FYB1: variants seen among roughly 807,000 people sequenced by gnomAD.
FYB1 encodes the protein FYN binding protein 1, also known as FYN-binding protein 1.
A neutral mutation model predicts 94.1 loss-of-function variants in FYB1; 41 were observed. The ratio of observed to expected loss-of-function variants is 0.44; its 90% CI spans 0.34 to 0.57. The LOEUF is 0.57. Among genes scored for constraint, FYB1 ranks in the 20% least tolerant of loss-of-function variants. FYB1 has a pLI of 0.02. For synonymous variants in FYB1, 367 were observed against 353.2 expected (o/e 1.04, Z -0.44); for missense variants, 1,050 against 976.8 (o/e 1.07, Z -1.00).
chr5:39,200,958 C>T (rs910298489), intron 2 of FYB1, among the ~76,000 whole-genome samples: 34 of 152,230 alleles, frequency 2.2e-4, no homozygotes, highest in African/African-American at 7.5e-4. Flanking sequence ...TCACTCAGTA[C>T]CACATCCAAG....
At chr5:39,148,996 T>A (rs186020261) in intron 3 of FYB1, among the ~76,000 whole-genome samples, 182 of 152,328 alleles carry the variant, frequency 1.2e-3, no homozygotes, top group Non-Finnish European at 1.3e-3. Flanking sequence ...AGGTGTTGAT[T>A]TGAACATTAA....
At position 39,173,173 on chromosome 5, in the gene FYB1, G is replaced by C. The variant is rs146567485; in HGVS notation, c.1136-19569C>G. Among the ~76,000 whole-genome samples the C allele has an allele frequency of 1.2e-3, 181 of 152,106 alleles. 2 individuals are homozygous for C. The highest frequency in any genetic ancestry group is 4.2e-3 in the African/African-American group (176 of 41,492). On this transcript the variant is annotated intron_variant, in intron 2 of 18. Coordinates refer to ENST00000512982, the MANE Select transcript of FYB1 (RefSeq NM_001465.6). Reference sequence around the variant, plus strand: ...TTGGTGTGAGATCGTTTCTCATTATGGTTTTGATTTGCATTTCTTTGATGA... The same window carrying C: ...TTGGTGTGAGATCGTTTCTCATTATCGTTTTGATTTGCATTTCTTTGATGA...
chr5:39,218,219 G>T (rs1239845042), intron 1 of FYB1, among the ~76,000 whole-genome samples: 1 of 152,142 alleles, frequency 6.6e-6, no homozygotes, highest in Non-Finnish European at 1.5e-5. Context: ...CTTTTCCACG[G>T]GGTGCCTTAA....
intron 9 of FYB1, among the ~76,000 whole-genome samples, chr5:39,132,985 T>G (rs1319797650): frequency 6.6e-6 from 1 of 152,214 alleles, no homozygotes; most frequent in African/African-American, 2.4e-5. Flanking sequence ...GTGCATGCAT[T>G]GTATGTTTTG....
chr5:39,238,462 T>G (rs562257486), intron 1 of FYB1, among the ~76,000 whole-genome samples: 1 of 152,106 alleles, frequency 6.6e-6, no homozygotes, highest in South Asian at 2.1e-4. Context: ...AATATTTAAT[T>G]AAGGTGAGAT....
intron 9 of FYB1, 51 bp from the exon 10 acceptor site, chr5:39,130,663 T>A: frequency 7.2e-7 from 1 of 1,383,614 alleles, no homozygotes; most frequent in Non-Finnish European, 1.0e-6. Context: ...TACTTAGCTA[T>A]GAGGAAGAGA....
chr5:39,261,771 A>AAAAGC (rs1253474390), intron 1 of FYB1, among the ~76,000 whole-genome samples: 1 of 152,044 alleles, frequency 6.6e-6, no homozygotes, highest in African/African-American at 2.4e-5. Context: ...AAAAGAAAAG[A>AAAAGC]AATAATGATG....
chr5:39,169,489 A>G lies in FYB1; in HGVS notation c.1136-15885T>C, dbSNP rs559045743. Reference sequence around the variant, plus strand: ...TTGACAATTTCAGACATATTAATCGAAGACCCGTTACTACTACTTCCAGAG... The same window carrying G: ...TTGACAATTTCAGACATATTAATCGGAGACCCGTTACTACTACTTCCAGAG... On this transcript the variant is annotated intron_variant, in intron 2 of 18. Transcript: ENST00000512982. 2.1e-4 allele frequency: 133 copies of G among 646,484 alleles called. 1 individual carries two copies. The highest frequency in any genetic ancestry group is 1.7e-3 in the South Asian group (124 of 71,320). The allele number at this position is 646,484 out of a possible 1,614,324, so 40.0% of individuals were successfully genotyped here.
At chr5:39,127,862 T>G in intron 10 of FYB1, 55 bp from the exon 11 acceptor site, 1 of 1,502,726 alleles carries the variant, frequency 6.7e-7, no homozygotes, top group Non-Finnish European at 9.0e-7. Flanking sequence ...GGCCATGTAA[T>G]GCTCACTCAG....
chr5:39,170,044 G>A, intron 2 of FYB1: 1 of 807,354 alleles, frequency 1.2e-6, no homozygotes, highest in Non-Finnish European at 2.2e-6. Context: ...AGGATGAGAG[G>A]CCTCCACTGG....
intron 2 of FYB1, among the ~76,000 whole-genome samples, chr5:39,181,772 TGTAA>T (rs1459213265): frequency 6.6e-6 from 1 of 152,170 alleles, no homozygotes; most frequent in Non-Finnish European, 1.5e-5. Flanking sequence ...TATTTTCTAG[TGTAA>T]GTATCTCCAA....
At chr5:39,255,564 T>A (rs1422100063) in intron 1 of FYB1, among the ~76,000 whole-genome samples, 1 of 152,092 alleles carries the variant, frequency 6.6e-6, no homozygotes, top group Non-Finnish European at 1.5e-5. Flanking sequence ...AGGATGTTAT[T>A]CATTTAAATA....
chr5:39,169,673 T>C (rs932864402), intron 2 of FYB1: 1 of 436,116 alleles, frequency 2.3e-6, no homozygotes, highest in Non-Finnish European at 4.5e-6. Flanking sequence ...GGTGAAACTC[T>C]GTCTCTATTG....
intron 2 of FYB1, among the ~76,000 whole-genome samples, chr5:39,173,298 T>A (rs1188250324): frequency 4.6e-5 from 7 of 152,178 alleles, no homozygotes; most frequent in African/African-American, 1.7e-4. Flanking sequence ...TTAATTAGAT[T>A]TTTTGCTTGT....
At chr5:39,185,888 A>G (rs834250) in intron 2 of FYB1, among the ~76,000 whole-genome samples, 148,716 of 152,024 alleles carry the variant, frequency 0.98, 72,809 homozygotes, top group Non-Finnish European at 1. Context: ...TGAAGCAGGG[A>G]CAGCCGGGCA....
chr5:39,249,318 G>A lies in FYB1; in HGVS notation c.-28+25085C>T, dbSNP rs531963575. 1.1e-4 allele frequency among the ~76,000 whole-genome samples: 16 copies of A among 152,290 alleles called. 1 individual carries two copies. In the South Asian group the frequency reaches 3.1e-3, roughly 30 times the overall value. On this transcript the variant is annotated intron_variant, in intron 1 of 1. Coordinates refer to the FYB1 transcript ENST00000510188. ...AGGGGCCTGATAGTAAATATTTTTG[G>A]CTCTTGAGACCACATGGTCTTTGCT...
At chr5:39,270,614 G>A (rs531337538) in intron 1 of FYB1, 15 of 1,532,230 alleles carry the variant, frequency 9.8e-6, no homozygotes, top group African/African-American at 2.7e-5. Flanking sequence ...CAATGACCCC[G>A]AAGATGGTGC....
intron 2 of FYB1, among the ~76,000 whole-genome samples, chr5:39,187,362 T>G (rs531251995): frequency 1.3e-5 from 2 of 152,344 alleles, no homozygotes; most frequent in South Asian, 4.1e-4. Flanking sequence ...AAAGGCACCT[T>G]GATTTTAGGA....
chr5:39,170,437 AG>A, intron 2 of FYB1: 1 of 424,304 alleles, frequency 2.4e-6, no homozygotes, highest in Admixed American at 3.9e-5. Flanking sequence ...GCAGACCTGG[AG>A]GGGGCCCAGG....
Sources: allele counts gnomAD v4.1 joint callset (sites outside exome capture counted in the v4.1 genomes callset), GRCh38; gene constraint gnomAD v4.1.1; transcripts MANE v1.5; gene names NCBI Gene and HGNC (gene_info 2026-07-23, HGNC 2026-07-21).